Variants in ELMOD3 observed in about 807,000 individuals in gnomAD.
ELMOD3 encodes ELMO domain containing 3.
In ELMOD3, 36 loss-of-function variants were observed where a neutral mutation model predicts 47.4. The ratio of observed to expected loss-of-function variants is 0.76; its 90% confidence interval spans 0.58 to 1.00. The LOEUF is 1.00. Among genes scored for constraint, ELMOD3 ranks in the 50% least tolerant of loss-of-function variants. ELMOD3 has a pLI of 0.00. For synonymous variants in ELMOD3, 149 were observed against 183.5 expected, an observed-to-expected ratio of 0.81 and a Z score of 1.52; for missense variants, 404 against 463.8, an observed-to-expected ratio of 0.87 and a Z score of 1.18.
chr2:85,377,692 A>T (rs1339758847), intron 11 of ELMOD3, among the ~76,000 whole-genome samples: 2 of 152,236 alleles, frequency 1.3e-5, no homozygotes, highest in Non-Finnish European at 2.9e-5. Flanking sequence ...CAGAATGGAA[A>T]TCATAGTGTT....
At chr2:85,379,603 T>C (rs1685409205) in intron 11 of ELMOD3, among the ~76,000 whole-genome samples, 1 of 152,218 alleles carries the variant, frequency 6.6e-6, no homozygotes, top group Non-Finnish European at 1.5e-5. Flanking sequence ...AAGACTAGGA[T>C]CTAATGACAG....
intron 10 of ELMOD3, among the ~76,000 whole-genome samples, chr2:85,377,113 C>T (rs1685210496): frequency 6.6e-6 from 1 of 152,244 alleles, no homozygotes; most frequent in South Asian, 2.1e-4. Flanking sequence ...TCATAGGCAG[C>T]AGCAAGAAAA....
At chr2:85,377,242 C>T in intron 10 of ELMOD3, 102 bp from the exon 11 acceptor site, 1 of 1,122,808 alleles carries the variant, frequency 8.9e-7, no homozygotes. Context: ...TGCTCATGCT[C>T]CGCTAGCCTG....
intron 4 of ELMOD3, among the ~76,000 whole-genome samples, chr2:85,360,049 G>A (rs181792940): frequency 3.9e-5 from 6 of 152,092 alleles, no homozygotes; most frequent in Admixed American, 2.0e-4. Flanking sequence ...GGGCAACAGC[G>A]CGAGACTCTA....
chr2:85,382,939 G>GAAAAAAAA, intron 11 of ELMOD3, among the ~76,000 whole-genome samples: 1 of 118,590 alleles, frequency 8.4e-6, no homozygotes. Flanking sequence ...CCAGAAGCAG[G>GAAAAAAAA]AAAAAAAAAA....
intron 11 of ELMOD3, among the ~76,000 whole-genome samples, chr2:85,380,872 C>G (rs1423994668): frequency 6.6e-6 from 1 of 152,172 alleles, no homozygotes; most frequent in Non-Finnish European, 1.5e-5. Context: ...CCAAACAACA[C>G]AACAATTGTC....
Position 85,363,099 on chromosome 2 carries a change from C to T in ELMOD3, c.132C>T (p.Ile44=), listed in dbSNP as rs1041129101. ...KSVLAFRGIP[I]SELKNHGILQ... ...CTAAAGGTCAGCTGCCTCTACAGAT[C>T]TCAGAGTTGAAGAACCATGGCATTC... The change falls in exon 6 of 14, where the codon ATC becomes ATT. Residue 44 remains isoleucine (I), a splice_region_variant and synonymous_variant. Transcript: ENST00000409013. 1.4e-5 allele frequency: 22 copies of T among 1,605,812 alleles called. No individual in the cohort carries two copies. In the East Asian group the frequency reaches 4.9e-4, roughly 36 times the overall value.
chr2:85,388,163 AT>A (rs68153662), intron 11 of ELMOD3, among the ~76,000 whole-genome samples: 61 of 130,092 alleles, frequency 4.7e-4, no homozygotes, highest in Middle Eastern at 3.8e-3. Flanking sequence ...AAAAAAAAAA[AT>A]TTTTTTGTAG....
At chr2:85,370,974 A>G (rs965387954) in intron 8 of ELMOD3, 112 bp from the exon 9 acceptor site, 27 of 1,289,846 alleles carry the variant, frequency 2.1e-5, no homozygotes, top group Non-Finnish European at 2.8e-5. Flanking sequence ...GGCCAGCCAG[A>G]TAGCTGGGGG....
intron 11 of ELMOD3, chr2:85,389,484 C>T: frequency 1.9e-6 from 1 of 522,432 alleles, no homozygotes; most frequent in Non-Finnish European, 3.4e-6. Flanking sequence ...AGAGCTAGCA[C>T]GGGGGTTATG....
chr2:85,380,047 G>A (rs1685439220), intron 11 of ELMOD3, among the ~76,000 whole-genome samples: 1 of 152,196 alleles, frequency 6.6e-6, no homozygotes, highest in African/African-American at 2.4e-5. Context: ...TCAAGTTTGA[G>A]TTCTTAAAAG....
In ELMOD3 at chr2:85,371,534, A is replaced by C; in HGVS notation, c.579A>C (p.Gly193=). Residue 193 remains glycine (G), a synonymous_variant, in exon 10 of 14, where the codon GGA becomes GGC. Coordinates refer to ENST00000409013, the MANE Select transcript of ELMOD3 (RefSeq NM_001135022.2). The stretch of plus-strand genomic sequence containing the variant: ...CCAAGTTTGACTGTGCCCTTCATGG[A>C]AACCACTGGGAGGACCTGGGCTTTC... ...TGSKFDCALH[G]NHWEDLGFQG... The C allele has an allele frequency of 6.2e-7, 1 of 1,614,234 alleles. No individual in the cohort carries two copies. Among genetic ancestry groups the C allele is most frequent in the Non-Finnish European group, 8.5e-7 (1 of 1,180,036 alleles).
rs775265084 is a variant in ELMOD3 at position 85,390,821 on chromosome 2, G to C, written c.1005G>C (p.Leu335Phe). Reference sequence around the variant, plus strand: ...TGCTCAAGACCCTGGAGCTGTACTTGGCCAGGGTGTCAAAGGGACAGGCCT... The same window carrying C: ...TGCTCAAGACCCTGGAGCTGTACTTCGCCAGGGTGTCAAAGGGACAGGCCT... ...RRLLKTLELYLARVSKGQASL... is the reference protein window; with the variant it reads ...RRLLKTLELYFARVSKGQASL... Residue 335 changes from leucine (L) to phenylalanine (F), a missense_variant, in exon 14 of 14, where the codon TTG becomes TTC. Physicochemically the swap from Leu to Phe is conservative, Grantham distance 22. Transcript: ENST00000409013. 9.7e-6 allele frequency: 15 copies of C among 1,551,496 alleles called. No individual in the cohort carries two copies. Among genetic ancestry groups the C allele is most frequent in the Non-Finnish European group, 1.1e-5 (13 of 1,147,008 alleles).
intron 4 of ELMOD3, among the ~76,000 whole-genome samples, chr2:85,361,929 T>G (rs1683994707): frequency 6.9e-6 from 1 of 145,904 alleles, no homozygotes; most frequent in Non-Finnish European, 1.5e-5. Context: ...AGACTCCGTC[T>G]CAAAAAAAAA....
intron 12 of ELMOD3, 50 bp downstream of exon 12, chr2:85,389,877 C>T (rs369662459): frequency 1.8e-4 from 283 of 1,535,286 alleles, no homozygotes; most frequent in Admixed American, 2.3e-4. Context: ...AAGCCTTGTT[C>T]GTCCCCACTC....
At chr2:85,390,616 A>G in intron 13 of ELMOD3, 144 bp from the exon 14 acceptor site, 1 of 1,512,080 alleles carries the variant, frequency 6.6e-7, no homozygotes, top group Non-Finnish European at 8.8e-7. Context: ...CTCTCTGGTG[A>G]TCTCTCCATC....
chr2:85,381,430 T>C (rs1355146586), intron 11 of ELMOD3, among the ~76,000 whole-genome samples: 1 of 152,222 alleles, frequency 6.6e-6, no homozygotes, highest in Non-Finnish European at 1.5e-5. Flanking sequence ...ATGAAGCCAA[T>C]TAAATTTATT....
intron 11 of ELMOD3, among the ~76,000 whole-genome samples, chr2:85,388,390 T>G (rs951288720): frequency 2.0e-5 from 3 of 152,198 alleles, no homozygotes; most frequent in Admixed American, 2.0e-4. Flanking sequence ...GATCTAAGAA[T>G]TTTCTAAGGC....
At chr2:85,380,880 G>A (rs1322628451) in intron 11 of ELMOD3, among the ~76,000 whole-genome samples, 1 of 152,148 alleles carries the variant, frequency 6.6e-6, no homozygotes, top group African/African-American at 2.4e-5. Context: ...CACAACAATT[G>A]TCTGTGGATG....
Sources: allele counts gnomAD v4.1 joint callset (sites outside exome capture counted in the v4.1 genomes callset), GRCh38; gene constraint gnomAD v4.1.1; transcripts MANE v1.5; gene names NCBI Gene and HGNC (gene_info 2026-07-23, HGNC 2026-07-21).